The following WDR45 variants were observed in gnomAD, a reference collection of about 807,000 sequenced individuals.
The protein encoded by WDR45 is WD repeat domain 45.
WDR45 carries 2 observed loss-of-function variants against 27.3 expected under a neutral mutation model. That is an observed-to-expected ratio of 0.07 (90% CI 0.03 to 0.23). The LOEUF (loss-of-function observed/expected upper bound fraction) is 0.23, where lower values mean the gene tolerates loss of function less well. Ranked by LOEUF, WDR45 falls within the 10% of genes least tolerant of loss-of-function variation. WDR45 has a pLI of 1.00. For synonymous variants in WDR45, 99 were observed against 119.2 expected (o/e 0.83, Z 1.11); for missense variants, 175 against 311.9 (o/e 0.56, Z 3.31).
In WDR45 at chrX:49,078,724, A is replaced by G. The variant is rs917828099; in HGVS notation, c.-17-612T>C. On this transcript the variant is annotated intron_variant, in intron 1 of 10. Transcript: ENST00000376372. ...TAATGTGATAGGGGGTGCCCCCGTG[A>G]TATCTCCTCCCCACCGCCAGCCAAT... Among the ~76,000 whole-genome samples the G allele has an allele frequency of 8.0e-5, 9 of 112,145 alleles. 1 individual carries two copies. The Admixed American group carries it at 8.4e-4, about 11-fold the overall frequency.
intron 2 of WDR45, among the ~76,000 whole-genome samples, chrX:49,098,388 C>T (rs900158631): frequency 1.9e-5 from 2 of 107,677 alleles, no homozygotes; most frequent in Non-Finnish European, 3.8e-5. Flanking sequence ...CCCATCTACT[C>T]GGGAGGCTAA....
intron 7 of WDR45, 32 bp from the exon 8 acceptor site, chrX:49,075,785 G>T (rs1557084096): frequency 8.3e-7 from 1 of 1,198,440 alleles, no homozygotes; most frequent in Admixed American, 2.3e-5. Context: ...TGAGGTTGGG[G>T]TGGTATGGAG....
At chrX:49,076,828 G>T in intron 4 of WDR45, 78 bp from the exon 5 acceptor site, 1 of 842,409 alleles carries the variant, frequency 1.2e-6, no homozygotes, top group Non-Finnish European at 1.7e-6. Flanking sequence ...ATCCACCCCT[G>T]CTTCCCAGGG....
chrX:49,091,869 G>A (rs2065107938), intron 2 of WDR45, among the ~76,000 whole-genome samples: 1 of 103,249 alleles, frequency 9.7e-6, no homozygotes, highest in Admixed American at 1.1e-4. Flanking sequence ...GGTGGCTCAC[G>A]CCTGTAATCC....
At chrX:49,087,567 T>A (rs1181152519) in intron 2 of WDR45, among the ~76,000 whole-genome samples, 1 of 110,904 alleles carries the variant, frequency 9.0e-6, no homozygotes, top group Non-Finnish European at 1.9e-5. Context: ...ACCTAGCAAG[T>A]GATGTAAATA....
At chrX:49,100,043 A>G (rs2065140097) in intron 2 of WDR45, among the ~76,000 whole-genome samples, 1 of 110,004 alleles carries the variant, frequency 9.1e-6, no homozygotes, top group Non-Finnish European at 1.9e-5. Flanking sequence ...GCACCCAGTT[A>G]AAAGATCAAC....
chrX:49,088,445 A>G (rs912527866), intron 2 of WDR45, among the ~76,000 whole-genome samples: 1 of 111,572 alleles, frequency 9.0e-6, no homozygotes, highest in Non-Finnish European at 1.9e-5. Flanking sequence ...GAAGGCCTTA[A>G]GCTCTTATTT....
Position 49,075,147 on chromosome X carries a change from T to C in WDR45, c.962A>G (p.Asn321Ser), listed in dbSNP as rs187601452. The C allele has an allele frequency of 7.4e-6, 9 of 1,209,919 alleles. No homozygotes were observed. In the Admixed American group the frequency reaches 1.7e-4, roughly 23 times the overall value. The stretch of plus-strand genomic sequence containing the variant: ...CTGTTCCCACTCACCAATGACAGAG[T>C]TGACGTTCTTGGAAGTATTGCGACC... ...AFGRNTSKNVNSVIAICVDGT... is the reference protein window; with the variant it reads ...AFGRNTSKNVSSVIAICVDGT... The change falls in exon 10 of 11, where the codon AAC becomes AGC. Residue 321 changes from asparagine to serine, a missense_variant. Transcript: ENST00000376372.
At chrX:49,098,502 A>AT (rs2065133979) in intron 2 of WDR45, among the ~76,000 whole-genome samples, 1 of 107,052 alleles carries the variant, frequency 9.3e-6, no homozygotes, top group Non-Finnish European at 1.9e-5. Flanking sequence ...TCTTAAAAAA[A>AT]AAAAGAAAAA....
chrX:49,078,117 A>G lies in WDR45; in HGVS notation c.-17-5T>C, dbSNP rs782258549. The G allele has an allele frequency of 4.1e-6, 5 of 1,206,149 alleles. No homozygotes were observed. Among genetic ancestry groups the G allele is most frequent in the Non-Finnish European group, 5.6e-6 (5 of 890,281 alleles). ...TCATGGTGCAGGATTGTTCCTCTGC[A>G]TACAAATGGGATAAAGATGAGAAGA... On this transcript the variant is annotated splice_polypyrimidine_tract_variant and splice_region_variant and intron_variant, in intron 1 of 10. Coordinates refer to ENST00000376372, the MANE Select transcript of WDR45 (RefSeq NM_001029896.2).
rs1460544405 is a variant in WDR45 at position 49,076,721 on chromosome X, T to C, written c.265A>G (p.Lys89Glu). 7.5e-6 allele frequency: 9 copies of C among 1,207,148 alleles called. No homozygotes were observed. Among genetic ancestry groups the C allele is most frequent in the Non-Finnish European group, 9.0e-6 (8 of 893,566 alleles). Residue 89 changes from lysine (K) to glutamate (E), a missense_variant, in exon 5 of 11, where the codon AAG becomes GAG. Physicochemically the swap from Lys to Glu is moderately conservative, Grantham distance 56. This residue lies in a region of WDR45 where 102 missense variants were observed against 165.4 expected (regional missense o/e 0.62). Coordinates refer to ENST00000376372, the MANE Select transcript of WDR45 (RefSeq NM_001029896.2). Reference protein sequence around the residue: ...VLIWDDAREGKDSKEKLVLEF... With the variant: ...VLIWDDAREGEDSKEKLVLEF... ...AGCACCAGCTTCTCCTTGGAGTCCT[T>C]GCCCTCCCGGGCATCGTCCCAGATC...
intron 1 of WDR45, among the ~76,000 whole-genome samples, chrX:49,078,833 A>T (rs782447438): frequency 8.9e-6 from 1 of 112,541 alleles, no homozygotes; most frequent in Non-Finnish European, 1.9e-5. Flanking sequence ...GGACTCTCTC[A>T]ATAAATAGAC....
At chrX:49,085,451 A>T (rs782605605) in intron 2 of WDR45, among the ~76,000 whole-genome samples, 1 of 112,362 alleles carries the variant, frequency 8.9e-6, no homozygotes, top group South Asian at 3.7e-4. Flanking sequence ...GGCTCACTTT[A>T]CACATCATAA....
chrX:49,087,121 G>A (rs1164456417), intron 2 of WDR45, among the ~76,000 whole-genome samples: 1 of 109,215 alleles, frequency 9.2e-6, no homozygotes, highest in African/African-American at 3.3e-5. Flanking sequence ...ACTTTAGGAG[G>A]CCAAGGCAGG....
At chrX:49,095,542 C>G (rs1199936639) in intron 2 of WDR45, among the ~76,000 whole-genome samples, 1 of 109,520 alleles carries the variant, frequency 9.1e-6, no homozygotes, top group African/African-American at 3.3e-5. Flanking sequence ...CTCACTGCAA[C>G]TTCTTCCTCC....
chrX:49,076,613 C>T, intron 5 of WDR45, 32 bp downstream of exon 5: 1 of 1,203,208 alleles, frequency 8.3e-7, no homozygotes, highest in Non-Finnish European at 1.1e-6. Flanking sequence ...TGGGGACCTC[C>T]TACCTCCCAC....
chrX:49,081,691 CA>C (rs1198720957), upstream of WDR45, among the ~76,000 whole-genome samples: 1 of 99,201 alleles, frequency 1.0e-5, no homozygotes, highest in East Asian at 3.2e-4. Flanking sequence ...ATTCCCGTCT[CA>C]AAAAAAAAGG....
chrX:49,081,482 A>G (rs1158027455), upstream of WDR45, among the ~76,000 whole-genome samples: 1 of 102,659 alleles, frequency 9.7e-6, no homozygotes, highest in Non-Finnish European at 2.0e-5. Context: ...GTGAGCAGAG[A>G]TCGCACCACT....
upstream of WDR45, among the ~76,000 whole-genome samples, chrX:49,081,791 C>G (rs972985620): frequency 1.9e-5 from 2 of 108,097 alleles, no homozygotes; most frequent in Non-Finnish European, 3.8e-5. Context: ...TGAGACCACC[C>G]TGGGTAACAC....
Sources: gnomAD v4.1 joint callset for allele counts (sites outside exome capture counted in the v4.1 genomes callset) on GRCh38, gnomAD v4.1.1 for gene constraint, gnomAD v4.1.1 regional missense constraint, MANE v1.5 for transcripts, NCBI Gene and HGNC (gene_info 2026-07-23, HGNC 2026-07-21) for gene names.